XPNPEP2: variants seen among roughly 807,000 people sequenced by gnomAD.
XPNPEP2 encodes X-prolyl aminopeptidase 2, also known as xaa-Pro aminopeptidase 2.
Under a neutral mutation model 59.8 loss-of-function variants are expected in XPNPEP2, and 64 were observed. The ratio of observed to expected loss-of-function variants is 1.07; its 90% CI spans 0.87 to 1.32. The LOEUF (loss-of-function observed/expected upper bound fraction) is 1.32. Ranked by LOEUF, XPNPEP2 falls within the 40% of genes most tolerant of loss-of-function variation. The probability of loss-of-function intolerance (pLI) is 0.00; values close to 1 mark genes in which losing one functional copy is unlikely to be tolerated. For missense variants in XPNPEP2, 575 were observed against 546.8 expected (o/e 1.05, Z -0.51); for synonymous variants, 235 against 210.0 (o/e 1.12, Z -1.03).
chrX:129,767,783 C>A, intron 20 of XPNPEP2, 91 bp downstream of exon 20: 1 of 933,978 alleles, frequency 1.1e-6, no homozygotes, highest in South Asian at 2.0e-5. Flanking sequence ...TGCCCCTCCT[C>A]CAGGAGGGTC....
At position 129,739,096 on chromosome X, in the gene XPNPEP2, C is replaced by T; in HGVS notation, c.-118C>T. 1.3e-6 allele frequency: 1 copy of T among 755,676 alleles called. No homozygotes were observed. The highest frequency in any genetic ancestry group is 1.9e-6 in the Non-Finnish European group (1 of 518,238). 62.3% of individuals were successfully genotyped at this position (755,676 alleles called of 1,213,427 possible). ...CAGCCAGACGCCTCCTTCTTGACGC[C>T]AGCCCCCACCCTCTGTCTGCTCGAG... On this transcript the variant is annotated 5_prime_UTR_variant, in exon 1 of 21. Transcript: ENST00000371106.
In XPNPEP2 at chrX:129,739,080, G is replaced by A. The variant is rs1034961836; in HGVS notation, c.-134G>A. On this transcript the variant is annotated 5_prime_UTR_variant, in exon 1 of 21. Transcript: ENST00000371106. ...AGCACTCTCCACCCAGCAGCCAGAC[G>A]CCTCCTTCTTGACGCCAGCCCCCAC... is the stretch of plus-strand genomic sequence containing the variant. 5 of 621,898 alleles carry A rather than the reference G, an allele frequency of 8.0e-6. No individual in the cohort carries two copies. Among genetic ancestry groups the A allele is most frequent in the South Asian group, 2.7e-5 (1 of 37,269 alleles). The allele number at this position is 621,898 out of a possible 1,213,427, so 51.3% of individuals were successfully genotyped here.
Position 129,762,109 on chromosome X carries a change from C to G in XPNPEP2, c.1663+44C>G, listed in dbSNP as rs756042932. 3.7e-5 allele frequency: 44 copies of G among 1,174,115 alleles called. No homozygotes were observed. The South Asian group carries it at 6.6e-4, about 18-fold the overall frequency. ...TCTACCTCACCACCCCATCCCAGAG[C>G]AGGACTAGCCCAGGACTGCAGTCTA... On this transcript the variant is annotated intron_variant, in intron 18 of 20. Coordinates refer to ENST00000371106, the MANE Select transcript of XPNPEP2 (RefSeq NM_003399.6).
At chrX:129,757,855 GAAA>G (rs1368091405) in intron 14 of XPNPEP2, among the ~76,000 whole-genome samples, 16 of 79,162 alleles carry the variant, frequency 2.0e-4, no homozygotes, top group African/African-American at 3.6e-4. Context: ...AAGAAAGAAA[GAAA>G]GAGGGAGAGA....
At chrX:129,760,255 T>G (rs1288990057) in intron 15 of XPNPEP2, among the ~76,000 whole-genome samples, 2 of 112,610 alleles carry the variant, frequency 1.8e-5, no homozygotes, top group Non-Finnish European at 3.8e-5. Context: ...AAGTGTCTCC[T>G]GCAGATATTG....
At position 129,761,269 on chromosome X, in the gene XPNPEP2, GC is replaced by G. The variant is rs1226111064; in HGVS notation, c.1597del (p.His533MetfsTer43). 2 of 1,208,828 alleles carry G rather than the reference GC, an allele frequency of 1.7e-6. No individual in the cohort carries two copies. The highest frequency in any genetic ancestry group is 3.5e-5 in the South Asian group (2 of 56,932). ...GHGIGNFLCV[H>X]EWPVGFQSNN... Reference sequence around the variant, plus strand: ...ACGGCATTGGCAACTTCCTGTGTGTGCATGAGTGTAGGTGTCTCCTCAGCAC... The same window carrying G: ...ACGGCATTGGCAACTTCCTGTGTGTGATGAGTGTAGGTGTCTCCTCAGCAC... On this transcript the variant is annotated frameshift_variant, in exon 17 of 21. Coordinates refer to ENST00000371106, the MANE Select transcript of XPNPEP2 (RefSeq NM_003399.6). LOFTEE classifies it high-confidence loss of function.
rs1926652286 is a variant in XPNPEP2, at chrX:129,761,276, T to A, written c.1603T>A (p.Trp535Arg). 1 of 1,201,093 alleles carries A rather than the reference T, an allele frequency of 8.3e-7. No homozygotes were observed. Among genetic ancestry groups the A allele is most frequent in the Non-Finnish European group, 1.1e-6 (1 of 887,440 alleles). ...GIGNFLCVHEWPVGFQSNNIA... is the reference protein window; with the variant it reads ...GIGNFLCVHERPVGFQSNNIA... The stretch of plus-strand genomic sequence containing the variant: ...TGGCAACTTCCTGTGTGTGCATGAG[T>A]GTAGGTGTCTCCTCAGCACTCCCCA... Residue 535 changes from tryptophan (W) to arginine (R), a missense_variant and splice_region_variant, in exon 17 of 21, where the codon TGG (tryptophan) becomes AGG (arginine). Coordinates refer to ENST00000371106, the MANE Select transcript of XPNPEP2 (RefSeq NM_003399.6).
chrX:129,759,144 C>T (rs1485297363), intron 14 of XPNPEP2, 36 bp from the exon 15 acceptor site: 11 of 1,210,030 alleles, frequency 9.1e-6, no homozygotes, highest in Non-Finnish European at 1.2e-5. Flanking sequence ...GTCCCTAGCC[C>T]CAGGCATTTG....
intron 2 of XPNPEP2, among the ~76,000 whole-genome samples, chrX:129,742,989 G>A (rs1926225428): frequency 8.9e-6 from 1 of 111,860 alleles, no homozygotes; most frequent in African/African-American, 3.2e-5. Context: ...CGAGGAAAAG[G>A]CCCAGCAGAA....
At chrX:129,757,861 G>GAAA (rs1926567227) in intron 14 of XPNPEP2, among the ~76,000 whole-genome samples, 1 of 50,079 alleles carries the variant, frequency 2.0e-5, no homozygotes, top group Admixed American at 2.6e-4. Context: ...GAAAGAAAGA[G>GAAA]GGAGAGAGAG....
chrX:129,747,470 C>A, intron 6 of XPNPEP2, 137 bp from the exon 7 acceptor site: 2 of 854,325 alleles, frequency 2.3e-6, no homozygotes, highest in Non-Finnish European at 3.3e-6. Flanking sequence ...GGGGGGTGGG[C>A]AGGCTGCTGG....
At chrX:129,765,586 G>A (rs1021463080) in intron 19 of XPNPEP2, among the ~76,000 whole-genome samples, 1 of 106,095 alleles carries the variant, frequency 9.4e-6, no homozygotes, top group African/African-American at 3.4e-5. Context: ...GTGAAACATG[G>A]TATTCTATTG....
intron 17 of XPNPEP2, 90 bp from the exon 18 acceptor site, chrX:129,761,916 C>T (rs1296873679): frequency 1.1e-6 from 1 of 921,834 alleles, no homozygotes; most frequent in Non-Finnish European, 1.6e-6. Flanking sequence ...GCTCTGGGAT[C>T]CTCACTTATC....
chrX:129,762,883 C>A, intron 19 of XPNPEP2, 113 bp downstream of exon 19: 1 of 650,833 alleles, frequency 1.5e-6, no homozygotes, highest in Non-Finnish European at 2.5e-6. Flanking sequence ...AGTGTGCAGG[C>A]ATGAATTTAT....
intron 6 of XPNPEP2, among the ~76,000 whole-genome samples, chrX:129,747,198 C>A (rs1926314461): frequency 8.9e-6 from 1 of 112,775 alleles, no homozygotes; most frequent in South Asian, 3.6e-4. Flanking sequence ...TGAATATGTA[C>A]TGAAAGGCTT....
intron 19 of XPNPEP2, among the ~76,000 whole-genome samples, chrX:129,767,345 C>T (rs1926768900): frequency 8.9e-6 from 1 of 112,514 alleles, no homozygotes; most frequent in South Asian, 3.7e-4. Context: ...TGTTGATGTG[C>T]GTACTTTGAA....
At position 129,768,817 on chromosome X, in the gene XPNPEP2, G is replaced by A. The variant is rs144663651; in HGVS notation, c.*332G>A. ...CTATAACCTAGCACAGACTGCTACA[G>A]CTGCTCCCCTCCCGCCAAACAAAAC... On this transcript the variant is annotated 3_prime_UTR_variant, in exon 21 of 21. Coordinates refer to ENST00000371106, the MANE Select transcript of XPNPEP2 (RefSeq NM_003399.6). 0.014 allele frequency: 2,118 copies of A among 155,917 alleles called. 46 individuals are homozygous for A. The highest frequency in any genetic ancestry group is 0.061 in the African/African-American group (1,944 of 31,926). The allele number at this position is 155,917 out of a possible 1,213,427, so 12.8% of individuals were successfully genotyped here. A position where few individuals can be genotyped will look rare whatever the true frequency, so the allele number is the denominator to read the frequency against.
In XPNPEP2 at chrX:129,742,131, C is replaced by T. The variant is rs1334058256; in HGVS notation, c.73C>T (p.Pro25Ser). 1 of 1,210,805 alleles carries T rather than the reference C, an allele frequency of 8.3e-7. No individual in the cohort carries two copies. ...AGCTTGTGCCTGGGGCCACACAAAG[C>T]CAGTGGACCTTGGAGGGCAGGATGT... is the stretch of plus-strand genomic sequence containing the variant. ...LCACAWGHTK[P>S]VDLGGQDVRN... Residue 25 changes from proline (P) to serine (S), a missense_variant, in exon 2 of 21, where the codon CCA becomes TCA. Transcript: ENST00000371106.
At chrX:129,749,200 T>C (rs940250883) in intron 7 of XPNPEP2, among the ~76,000 whole-genome samples, 2 of 111,040 alleles carry the variant, frequency 1.8e-5, no homozygotes, top group Non-Finnish European at 3.8e-5. Flanking sequence ...GGCAAATCCA[T>C]AGAGACAGAA....
Sources: allele counts gnomAD v4.1 joint callset (sites outside exome capture counted in the v4.1 genomes callset), GRCh38; gene constraint gnomAD v4.1.1; transcripts MANE v1.5; gene names NCBI Gene and HGNC (gene_info 2026-07-23, HGNC 2026-07-21).